Variants in PPP1R9A observed in about 807,000 individuals in gnomAD.
PPP1R9A encodes neurabin-1.
PPP1R9A carries 59 observed loss-of-function variants against 141.9 expected under a neutral mutation model. The ratio of observed to expected loss-of-function variants is 0.42; its 90% CI spans 0.34 to 0.52. PPP1R9A has a LOEUF of 0.52. Ranked by LOEUF, PPP1R9A falls within the 20% of genes least tolerant of loss-of-function variation. The pLI is 0.10. For synonymous variants in PPP1R9A, 500 were observed against 569.7 expected (o/e 0.88, Z 1.74); for missense variants, 1,444 against 1,611.9 (o/e 0.90, Z 1.78).
intron 7 of PPP1R9A, among the ~76,000 whole-genome samples, chr7:95,204,303 G>C (rs1213458649): frequency 6.6e-6 from 1 of 152,102 alleles, no homozygotes; most frequent in African/African-American, 2.4e-5. Context: ...TGTTAATATA[G>C]ATAGCAGTGC....
At chr7:94,935,959 T>A (rs1246345617) in intron 2 of PPP1R9A, among the ~76,000 whole-genome samples, 1 of 152,192 alleles carries the variant, frequency 6.6e-6, no homozygotes, top group Non-Finnish European at 1.5e-5. Context: ...TTATAAACAT[T>A]GTTTTGTTTA....
At chr7:94,968,138 C>A (rs1584436009) in intron 2 of PPP1R9A, among the ~76,000 whole-genome samples, 1 of 151,988 alleles carries the variant, frequency 6.6e-6, no homozygotes, top group South Asian at 2.1e-4. Flanking sequence ...CTCTTCTTGT[C>A]GCATTGATCC....
chr7:95,255,752 A>AT (rs966494670), intron 12 of PPP1R9A, among the ~76,000 whole-genome samples: 5 of 151,888 alleles, frequency 3.3e-5, no homozygotes, highest in Admixed American at 6.6e-5. Flanking sequence ...CATTAGCATA[A>AT]TTTTTTTTCT....
In PPP1R9A at chr7:95,197,504, C is replaced by T. The variant is rs370987819; in HGVS notation, c.1755-845C>T. 4.5e-3 allele frequency among the ~76,000 whole-genome samples: 683 copies of T among 152,174 alleles called. 4 individuals carry two copies. The highest frequency in any genetic ancestry group is 0.015 in the African/African-American group (617 of 41,508). ...TCACACCCCTTCTCATACTATCTTTCCCCCCAAAGGAAGTGAATTAATTCA... is the reference window on the plus strand; with the variant it reads ...TCACACCCCTTCTCATACTATCTTTTCCCCCAAAGGAAGTGAATTAATTCA... On this transcript the variant is annotated intron_variant, in intron 5 of 19. Transcript: ENST00000433360.
At chr7:95,236,166 A>G (rs1796655472) in intron 8 of PPP1R9A, among the ~76,000 whole-genome samples, 1 of 152,206 alleles carries the variant, frequency 6.6e-6, no homozygotes. Flanking sequence ...TTTAACTGCC[A>G]CAAAGATTAT....
chr7:95,178,589 T>C (rs922450218), intron 5 of PPP1R9A, among the ~76,000 whole-genome samples: 1 of 151,640 alleles, frequency 6.6e-6, no homozygotes, highest in African/African-American at 2.4e-5. Context: ...AAATGAAAAG[T>C]TGGTTTTTTG....
At chr7:95,004,947 A>G (rs1046406506) in intron 2 of PPP1R9A, among the ~76,000 whole-genome samples, 5 of 152,172 alleles carry the variant, frequency 3.3e-5, no homozygotes, top group Admixed American at 6.6e-5. Flanking sequence ...GAGGATTTTA[A>G]TATATTTTTC....
intron 2 of PPP1R9A, among the ~76,000 whole-genome samples, chr7:95,021,349 T>C (rs183058987): frequency 4.4e-4 from 67 of 152,008 alleles, no homozygotes; most frequent in Middle Eastern, 3.4e-3. Context: ...TTATTTAAGT[T>C]CTTTCTAGAT....
At chr7:95,165,172 C>G (rs1267851015) in intron 5 of PPP1R9A, among the ~76,000 whole-genome samples, 2 of 152,196 alleles carry the variant, frequency 1.3e-5, no homozygotes, top group African/African-American at 4.8e-5. Flanking sequence ...TTCTGATCCT[C>G]TCCACCTGGT....
At chr7:95,115,175 G>A (rs1821263427) in intron 3 of PPP1R9A, among the ~76,000 whole-genome samples, 1 of 151,990 alleles carries the variant, frequency 6.6e-6, no homozygotes, top group Non-Finnish European at 1.5e-5. Context: ...AATACTGAGT[G>A]GAGAAAATTG....
At chr7:95,108,298 GTTTCT>G (rs1819878200) in intron 2 of PPP1R9A, among the ~76,000 whole-genome samples, 1 of 76,368 alleles carries the variant, frequency 1.3e-5, no homozygotes, top group African/African-American at 4.8e-5. Context: ...TTTCTTTTTC[GTTTCT>G]TTTCTTTTTT....
intron 7 of PPP1R9A, among the ~76,000 whole-genome samples, chr7:95,222,523 T>C (rs898818461): frequency 2.0e-5 from 3 of 151,948 alleles, no homozygotes; most frequent in Non-Finnish European, 2.9e-5. Flanking sequence ...CTACTAAAAA[T>C]ATCATATATT....
intron 14 of PPP1R9A, 63 bp downstream of exon 14, chr7:95,269,570 T>C: frequency 1.5e-6 from 2 of 1,312,030 alleles, no homozygotes; most frequent in Non-Finnish European, 1.0e-6. Flanking sequence ...AAAATGACTT[T>C]TTCTCATAAT....
At chr7:94,927,342 C>T (rs895767124) in intron 2 of PPP1R9A, among the ~76,000 whole-genome samples, 5 of 151,866 alleles carry the variant, frequency 3.3e-5, no homozygotes, top group African/African-American at 9.7e-5. Context: ...AATAAAAGCA[C>T]CTTTTAGCAG....
chr7:95,050,588 G>A lies in PPP1R9A; in HGVS notation c.1396-60671G>A, dbSNP rs185272842. ...AATAAAAATGCAAAATTAGCTGGGC[G>A]TGGTGATGCATGCCTGTAATTCCAG... On this transcript the variant is annotated intron_variant, in intron 2 of 19. Coordinates refer to ENST00000433360, the MANE Select transcript of PPP1R9A (RefSeq NM_001166160.2). 2.2e-3 allele frequency among the ~76,000 whole-genome samples: 333 copies of A among 152,240 alleles called. 5 individuals carry two copies. Among genetic ancestry groups the A allele is most frequent in the South Asian group, 9.1e-3 (44 of 4,832 alleles).
At chr7:95,041,511 T>C (rs1444008946) in intron 2 of PPP1R9A, among the ~76,000 whole-genome samples, 1 of 152,194 alleles carries the variant, frequency 6.6e-6, no homozygotes, top group Non-Finnish European at 1.5e-5. Flanking sequence ...TTTCATTTCT[T>C]ATGCATTTTT....
chr7:95,215,216 C>T lies in PPP1R9A; in HGVS notation c.1957-10745C>T, dbSNP rs192094968. On this transcript the variant is annotated intron_variant, in intron 7 of 19. Transcript: ENST00000433360. ...ATTCCCACCTATGAATGAGAACATGCGGTGTTTGTTTTTTTTGTTCTTGCA... is the reference window on the plus strand; with the variant it reads ...ATTCCCACCTATGAATGAGAACATGTGGTGTTTGTTTTTTTTGTTCTTGCA... Among the ~76,000 whole-genome samples, 730 of 147,088 alleles carry T rather than the reference C, an allele frequency of 5.0e-3. 5 individuals carry two copies. The highest frequency in any genetic ancestry group is 0.017 in the African/African-American group (686 of 39,866).
intron 8 of PPP1R9A, among the ~76,000 whole-genome samples, chr7:95,245,726 G>C (rs1364952069): frequency 6.6e-6 from 1 of 152,174 alleles, no homozygotes; most frequent in East Asian, 1.9e-4. Flanking sequence ...AATACTCTGA[G>C]CATCTGCTAA....
At chr7:95,093,892 T>C (rs1476746823) in intron 2 of PPP1R9A, among the ~76,000 whole-genome samples, 1 of 152,210 alleles carries the variant, frequency 6.6e-6, no homozygotes, top group Non-Finnish European at 1.5e-5. Context: ...CAGAAGTGGT[T>C]CTGATTTAAG....
Sources: gnomAD v4.1 joint callset for allele counts (sites outside exome capture counted in the v4.1 genomes callset) on GRCh38, gnomAD v4.1.1 for gene constraint, MANE v1.5 for transcripts, NCBI Gene and HGNC (gene_info 2026-07-23, HGNC 2026-07-21) for gene names.